GABRB1: variants seen among roughly 807,000 people sequenced by gnomAD.
GABRB1 encodes the protein gamma-aminobutyric acid type A receptor subunit beta1.
Under a neutral mutation model 51.6 loss-of-function variants are expected in GABRB1, and 17 were observed. The ratio of observed to expected loss-of-function variants is 0.33; its 90% CI spans 0.23 to 0.49. The LOEUF is 0.49. Among genes scored for constraint, GABRB1 ranks in the 20% least tolerant of loss-of-function variants. The probability of loss-of-function intolerance (pLI) is 0.99; values close to 1 mark genes in which losing one functional copy is unlikely to be tolerated. For missense variants in GABRB1, 410 were observed against 600.6 expected (o/e 0.68, Z 3.32); for synonymous variants, 247 against 218.9 (o/e 1.13, Z -1.14).
chr4:47,393,913 C>G (rs752716831), intron 5 of GABRB1, among the ~76,000 whole-genome samples: 1 of 152,206 alleles, frequency 6.6e-6, no homozygotes. Flanking sequence ...TGTATTGCAA[C>G]GTCAAGTATA....
At chr4:47,310,058 A>T (rs1363794473) in intron 4 of GABRB1, among the ~76,000 whole-genome samples, 1 of 151,878 alleles carries the variant, frequency 6.6e-6, no homozygotes, top group African/African-American at 2.4e-5. Context: ...TCATAAACCT[A>T]GGTTGAGGCA....
chr4:47,307,202 A>T (rs1347660026), intron 4 of GABRB1, among the ~76,000 whole-genome samples: 2 of 152,094 alleles, frequency 1.3e-5, no homozygotes, highest in Admixed American at 1.3e-4. Flanking sequence ...AATAAATAGT[A>T]TTTCTTATTT....
At chr4:47,287,273 A>G (rs1325195590) in intron 4 of GABRB1, among the ~76,000 whole-genome samples, 1 of 152,182 alleles carries the variant, frequency 6.6e-6, no homozygotes, top group Admixed American at 6.5e-5. Context: ...TTGATTTACT[A>G]TATCACATGA....
At chr4:47,285,024 C>T (rs931223490) in intron 4 of GABRB1, among the ~76,000 whole-genome samples, 1 of 152,156 alleles carries the variant, frequency 6.6e-6, no homozygotes, top group East Asian at 1.9e-4. Flanking sequence ...GTATGCTCTT[C>T]TAAGAATGTC....
chr4:47,280,863 A>G (rs1723268101), intron 4 of GABRB1, among the ~76,000 whole-genome samples: 1 of 141,732 alleles, frequency 7.1e-6, no homozygotes, highest in African/African-American at 2.7e-5. Flanking sequence ...CTAAATTGCC[A>G]GGCTGGTCTC....
chr4:47,141,535 T>C (rs1716935102), intron 3 of GABRB1, among the ~76,000 whole-genome samples: 1 of 152,006 alleles, frequency 6.6e-6, no homozygotes, highest in South Asian at 2.1e-4. Flanking sequence ...TTATATTTTA[T>C]GGACTATGAA....
chr4:47,089,662 C>T lies in GABRB1; in HGVS notation c.240+57178C>T, dbSNP rs1560529029. Reference sequence around the variant, plus strand: ...ATTTAAGAATTCAAATATTCAGATTCAAATATTATAATCGAATAGTATAAT... The same window carrying T: ...ATTTAAGAATTCAAATATTCAGATTTAAATATTATAATCGAATAGTATAAT... On this transcript the variant is annotated intron_variant, in intron 3 of 8. Transcript: ENST00000295454. 1.3e-5 allele frequency among the ~76,000 whole-genome samples: 2 copies of T among 151,984 alleles called. 1 individual carries two copies. The highest frequency in any genetic ancestry group is 3.9e-4 in the East Asian group (2 of 5,192).
chr4:47,304,156 C>T (rs1724362636), intron 4 of GABRB1, among the ~76,000 whole-genome samples: 2 of 151,950 alleles, frequency 1.3e-5, no homozygotes, highest in African/African-American at 4.8e-5. Context: ...TGACTATTTA[C>T]CCAGTAGACG....
rs183845311 is a variant in GABRB1 at position 46,994,335 on chromosome 4, G to C, written c.-20+409G>C. 6.6e-5 allele frequency: 10 copies of C among 152,062 alleles called. No individual in the cohort carries two copies. The East Asian group carries it at 1.9e-3, about 30-fold the overall frequency. 9.4% of individuals were successfully genotyped at this position (152,062 alleles called of 1,614,324 possible). On this transcript the variant is annotated intron_variant, in intron 1 of 3. Coordinates refer to the GABRB1 transcript ENST00000513567. ...GAGAGGTGGAGACAAGCGACCTCTG[G>C]TCAAAATCACTTTCACTTCTTGCGA...
At chr4:47,237,330 G>T (rs1339304355) in intron 4 of GABRB1, among the ~76,000 whole-genome samples, 1 of 151,896 alleles carries the variant, frequency 6.6e-6, no homozygotes, top group African/African-American at 2.4e-5. Context: ...CTATACAAGA[G>T]ATTGAGAAAA....
intron 1 of GABRB1, among the ~76,000 whole-genome samples, chr4:47,007,087 C>A (rs559161162): frequency 1.3e-4 from 19 of 151,778 alleles, no homozygotes; most frequent in Non-Finnish European, 2.1e-4. Context: ...CTGTAGGGAG[C>A]CATGATCGTG....
intron 3 of GABRB1, among the ~76,000 whole-genome samples, chr4:47,159,958 T>G (rs760475358): frequency 3.3e-5 from 5 of 152,094 alleles, no homozygotes; most frequent in African/African-American, 4.8e-5. Context: ...GAACTTTCTG[T>G]TTTTATTATG....
At chr4:47,384,865 A>T (rs960900557) in intron 5 of GABRB1, among the ~76,000 whole-genome samples, 1 of 152,188 alleles carries the variant, frequency 6.6e-6, no homozygotes, top group South Asian at 2.1e-4. Flanking sequence ...TTTATTTTTT[A>T]AAATAAAGCA....
chr4:47,218,293 A>G (rs961819300), intron 4 of GABRB1, among the ~76,000 whole-genome samples: 2 of 151,920 alleles, frequency 1.3e-5, no homozygotes, highest in African/African-American at 4.8e-5. Flanking sequence ...AACTGCAATG[A>G]ACATGAGGGT....
intron 8 of GABRB1, among the ~76,000 whole-genome samples, chr4:47,420,569 A>G (rs1176782928): frequency 1.3e-5 from 2 of 152,312 alleles, no homozygotes; most frequent in East Asian, 3.9e-4. Flanking sequence ...CAACTCAAAT[A>G]TTGATATTTT....
intron 4 of GABRB1, among the ~76,000 whole-genome samples, chr4:47,250,440 CT>C (rs1387145437): frequency 6.6e-6 from 1 of 152,134 alleles, no homozygotes; most frequent in Non-Finnish European, 1.5e-5. Flanking sequence ...AGGCAAAGAT[CT>C]TTTTGTGATG....
At chr4:47,378,399 GCACCGCGCGCAGCCCGGGTTCCCGCCCA>G (rs1727468414) in intron 5 of GABRB1, among the ~76,000 whole-genome samples, 1 of 152,184 alleles carries the variant, frequency 6.6e-6, no homozygotes, top group Non-Finnish European at 1.5e-5. Flanking sequence ...TGGCCCGCAA[GCACCGCGCGCAGCCCGGGTTCCCGCCCA>G]CACCTCTCCC....
chr4:47,117,495 T>C (rs1024048081), intron 3 of GABRB1, among the ~76,000 whole-genome samples: 1 of 152,144 alleles, frequency 6.6e-6, no homozygotes, highest in Non-Finnish European at 1.5e-5. Flanking sequence ...TCAATATCTC[T>C]TCATGATCCT....
chr4:47,291,597 G>A (rs1039344056), intron 4 of GABRB1, among the ~76,000 whole-genome samples: 3 of 152,180 alleles, frequency 2.0e-5, no homozygotes, highest in Non-Finnish European at 2.9e-5. Context: ...TAGGAGGGGG[G>A]CTATACCCAG....
Sources: gnomAD v4.1 joint callset for allele counts (sites outside exome capture counted in the v4.1 genomes callset) on GRCh38, gnomAD v4.1.1 for gene constraint, MANE v1.5 for transcripts, NCBI Gene and HGNC (gene_info 2026-07-23, HGNC 2026-07-21) for gene names.